The following CSMD3 variants were observed in gnomAD, a reference collection of about 807,000 sequenced individuals.
CSMD3 encodes the protein CUB and Sushi multiple domains 3.
A neutral mutation model predicts 435.2 loss-of-function variants in CSMD3; 177 were observed. The observed-to-expected ratio is 0.41, with a 90% confidence interval of 0.36 to 0.46. The LOEUF (loss-of-function observed/expected upper bound fraction) is 0.46. Ranked by LOEUF, CSMD3 falls within the 20% of genes least tolerant of loss-of-function variation. The probability of loss-of-function intolerance (pLI) is 0.34; values close to 1 mark genes in which losing one functional copy is unlikely to be tolerated. For synonymous variants in CSMD3, 1,656 were observed against 1,520.5 expected (o/e 1.09, Z -2.07); for missense variants, 4,265 against 4,504.6 (o/e 0.95, Z 1.52).
chr8:112,577,469 A>C (rs1440544519), intron 23 of CSMD3, among the ~76,000 whole-genome samples: 4 of 152,070 alleles, frequency 2.6e-5, no homozygotes, highest in African/African-American at 4.8e-5. Flanking sequence ...TCTAATTAAA[A>C]TCAAGACCTT....
intron 13 of CSMD3, among the ~76,000 whole-genome samples, chr8:112,692,371 C>CTA (rs1435023095): frequency 6.6e-6 from 1 of 152,026 alleles, no homozygotes; most frequent in Non-Finnish European, 1.5e-5. Context: ...TAAATAATGT[C>CTA]TGAGTGTTTT....
intron 59 of CSMD3, among the ~76,000 whole-genome samples, chr8:112,269,682 C>T (rs1817285646): frequency 6.6e-6 from 1 of 151,932 alleles, no homozygotes; most frequent in Non-Finnish European, 1.5e-5. Flanking sequence ...TTTGTACTGA[C>T]AAAAAAATGT....
chr8:113,309,749 C>A (rs929077152), intron 2 of CSMD3: 2 of 152,092 alleles, frequency 1.3e-5, no homozygotes, highest in African/African-American at 4.8e-5. Context: ...ATCAAAATAT[C>A]CAAAAAATAA....
chr8:113,291,230 A>G, intron 2 of CSMD3, among the ~76,000 whole-genome samples: 1 of 151,704 alleles, frequency 6.6e-6, no homozygotes, highest in East Asian at 1.9e-4. Flanking sequence ...TCTATTATGT[A>G]TCTGTTTTAA....
intron 1 of CSMD3, among the ~76,000 whole-genome samples, chr8:113,383,922 C>T (rs1448593043): frequency 6.6e-6 from 1 of 152,142 alleles, no homozygotes; most frequent in Non-Finnish European, 1.5e-5. Context: ...AGTGCACCCC[C>T]TACCAAAACA....
intron 31 of CSMD3, among the ~76,000 whole-genome samples, chr8:112,478,184 C>A (rs546678148): frequency 1.2e-3 from 180 of 152,252 alleles, no homozygotes; most frequent in African/African-American, 4.0e-3. Context: ...GTAAATTGCC[C>A]AGTCTTGGGT....
At chr8:113,414,404 G>T (rs769334421) in intron 1 of CSMD3, among the ~76,000 whole-genome samples, 25 of 151,936 alleles carry the variant, frequency 1.6e-4, no homozygotes, top group Admixed American at 3.9e-4. Flanking sequence ...TAGCACCATG[G>T]ATAAACTTAT....
chr8:112,466,872 C>A (rs566822336), intron 32 of CSMD3, among the ~76,000 whole-genome samples: 43 of 151,976 alleles, frequency 2.8e-4, no homozygotes, highest in African/African-American at 9.9e-4. Context: ...TAACATAATA[C>A]TATAATAGAG....
At chr8:112,970,112 G>GT (rs2084588789) in intron 7 of CSMD3, among the ~76,000 whole-genome samples, 1 of 151,692 alleles carries the variant, frequency 6.6e-6, no homozygotes, top group Non-Finnish European at 1.5e-5. Flanking sequence ...TAGATAATTT[G>GT]TAAGTTCCCA....
At chr8:112,471,841 G>C (rs913292845) in intron 32 of CSMD3, among the ~76,000 whole-genome samples, 7 of 152,248 alleles carry the variant, frequency 4.6e-5, no homozygotes, top group Admixed American at 4.6e-4. Context: ...CTAAATTTTA[G>C]AAGTCTGTGA....
chr8:112,236,934 A>T (rs896316549), intron 67 of CSMD3, among the ~76,000 whole-genome samples: 2 of 152,140 alleles, frequency 1.3e-5, no homozygotes, highest in African/African-American at 4.8e-5. Flanking sequence ...TTATGATCTA[A>T]TATATGACAT....
At chr8:113,331,066 A>G (rs558711331) in intron 1 of CSMD3, among the ~76,000 whole-genome samples, 1 of 151,910 alleles carries the variant, frequency 6.6e-6, no homozygotes, top group East Asian at 1.9e-4. Flanking sequence ...AAAACTTTAT[A>G]TAGACTAACC....
chr8:112,436,917 T>C (rs1455950836), intron 32 of CSMD3, among the ~76,000 whole-genome samples: 1 of 152,086 alleles, frequency 6.6e-6, no homozygotes, highest in Non-Finnish European at 1.5e-5. Context: ...TGAATGTGAA[T>C]GCCATTGTGA....
chr8:113,367,916 T>G (rs1372230237), intron 1 of CSMD3, among the ~76,000 whole-genome samples: 1 of 152,116 alleles, frequency 6.6e-6, no homozygotes, highest in East Asian at 1.9e-4. Flanking sequence ...GCAATCTAAA[T>G]TATTTTATTT....
At chr8:112,735,454 AGTATTCT>A (rs1421950967) in intron 13 of CSMD3, among the ~76,000 whole-genome samples, 1 of 152,056 alleles carries the variant, frequency 6.6e-6, no homozygotes, top group African/African-American at 2.4e-5. Context: ...GTTAATTGAA[AGTATTCT>A]GTATTCATCT....
chr8:112,521,922 T>C lies in CSMD3; in HGVS notation c.4565-4697A>G, dbSNP rs531757507. Among the ~76,000 whole-genome samples, 18 of 151,880 alleles carry C rather than the reference T, an allele frequency of 1.2e-4. No homozygotes were observed. The South Asian group carries it at 2.5e-3, about 21-fold the overall frequency. Reference sequence around the variant, plus strand: ...CTTCTAATTTATTATAATAACCATATAAAAATATGTTTTAGAAATTGTTCA... The same window carrying C: ...CTTCTAATTTATTATAATAACCATACAAAAATATGTTTTAGAAATTGTTCA... On this transcript the variant is annotated intron_variant, in intron 27 of 70. Transcript: ENST00000297405.
rs541777848 is a variant in CSMD3, at chr8:112,804,345, T to C, written c.1860-4071A>G. 1.4e-4 allele frequency among the ~76,000 whole-genome samples: 21 copies of C among 152,136 alleles called. 1 individual carries two copies. The South Asian group carries it at 4.4e-3, about 32-fold the overall frequency. ...GAAAATAAATTAAAAAAAAAACTGA[T>C]ATGTTAATTATCCAGTAAGAACTAT... On this transcript the variant is annotated intron_variant, in intron 12 of 70. Coordinates refer to ENST00000297405, the MANE Select transcript of CSMD3 (RefSeq NM_198123.2).
chr8:112,897,865 T>A (rs2081996997), intron 10 of CSMD3, among the ~76,000 whole-genome samples: 2 of 151,178 alleles, frequency 1.3e-5, no homozygotes, highest in South Asian at 4.2e-4. Context: ...CAGTAGGAAA[T>A]ATTATTTTTG....
At chr8:113,424,688 G>T (rs2094626072) in intron 1 of CSMD3, among the ~76,000 whole-genome samples, 1 of 151,350 alleles carries the variant, frequency 6.6e-6, no homozygotes, top group South Asian at 2.1e-4. Flanking sequence ...ATTAATACTG[G>T]ATAAACTAGT....
Sources: allele counts gnomAD v4.1 joint callset (sites outside exome capture counted in the v4.1 genomes callset), GRCh38; gene constraint gnomAD v4.1.1; transcripts MANE v1.5; gene names NCBI Gene and HGNC (gene_info 2026-07-23, HGNC 2026-07-21).